The following ZNF317 variants were observed in gnomAD, a reference collection of about 807,000 sequenced individuals.
ZNF317 encodes the protein zinc finger protein 317.
ZNF317 carries 17 observed loss-of-function variants against 23.4 expected under a neutral mutation model. That is an observed-to-expected ratio of 0.73 (90% CI 0.50 to 1.09). The LOEUF is 1.09. Ranked by LOEUF, ZNF317 falls within the 50% of genes least tolerant of loss-of-function variation. The pLI, the probability that ZNF317 is intolerant of heterozygous loss-of-function variation, is 0.00. For missense variants in ZNF317, 679 were observed against 796.7 expected, an observed-to-expected ratio of 0.85 and a Z score of 1.78; for synonymous variants, 317 against 314.9, an observed-to-expected ratio of 1.01 and a Z score of -0.07.
At chr19:9,149,678 G>A (rs1600224868) in intron 1 of ZNF317, among the ~76,000 whole-genome samples, 1 of 152,198 alleles carries the variant, frequency 6.6e-6, no homozygotes, top group East Asian at 1.9e-4. Context: ...CTTGGGTGAG[G>A]GACCAGTGGC....
intron 1 of ZNF317, among the ~76,000 whole-genome samples, chr19:9,144,114 TG>T (rs1207731919): frequency 3.3e-5 from 5 of 152,064 alleles, no homozygotes; most frequent in African/African-American, 1.2e-4. Flanking sequence ...GTGATTCTCC[TG>T]TCTCAGCCTC....
intron 1 of ZNF317, among the ~76,000 whole-genome samples, chr19:9,146,458 T>C (rs143979450): frequency 6.7e-6 from 1 of 148,886 alleles, no homozygotes; most frequent in Non-Finnish European, 1.5e-5. Flanking sequence ...CAGTGTCTCA[T>C]TTCTGTCACC....
At chr19:9,146,600 T>G (rs2050685499) in intron 1 of ZNF317, among the ~76,000 whole-genome samples, 1 of 151,508 alleles carries the variant, frequency 6.6e-6, no homozygotes, top group African/African-American at 2.4e-5. Context: ...GCTAATTTTT[T>G]TGTATTTTTA....
intron 1 of ZNF317, among the ~76,000 whole-genome samples, chr19:9,151,301 A>G (rs2050733965): frequency 1.3e-5 from 2 of 152,234 alleles, no homozygotes; most frequent in African/African-American, 4.8e-5. Flanking sequence ...GTGTTGAATA[A>G]TGAATCCCCA....
In ZNF317 at chr19:9,160,695, A is replaced by G. The variant is rs2050841305; in HGVS notation, c.1050A>G (p.Lys350=). The G allele has an allele frequency of 6.2e-7, 1 of 1,614,130 alleles. No individual in the cohort carries two copies. The highest frequency in any genetic ancestry group is 8.5e-7 in the Non-Finnish European group (1 of 1,180,028). Residue 350 remains lysine (K), a synonymous_variant, in exon 7 of 7, where the codon AAA becomes AAG. Coordinates refer to ENST00000247956, the MANE Select transcript of ZNF317 (RefSeq NM_020933.5). This position sits in a 1 kb window ranked among gnomAD's most constrained non-coding sequence, Gnocchi z 6.8. ...CTTTCCAGCACCCCTCCCACCTCAAAGAGCACGTGAGGAATCACACGGGGG... is the reference window on the plus strand; with the variant it reads ...CTTTCCAGCACCCCTCCCACCTCAAGGAGCACGTGAGGAATCACACGGGGG... ...GKAFQHPSHL[K]EHVRNHTGEK... is the part of the protein sequence containing the mutation.
rs189336858 is a variant in ZNF317, at chr19:9,161,223, G to T, written c.1578G>T (p.Gly526=). Reference sequence around the variant, plus strand: ...AGACGCACATGCGAAGCCACACGGGGGAGAAACCGTACGAATGCGATCACT... The same window carrying T: ...AGACGCACATGCGAAGCCACACGGGTGAGAAACCGTACGAATGCGATCACT... ...TLKTHMRSHT[G]EKPYECDHCG... is the part of the protein sequence containing the mutation. Residue 526 remains glycine (G), a synonymous_variant, in exon 7 of 7, where the codon GGG becomes GGT. Transcript: ENST00000247956. The surrounding 1 kb of genome is among the most constrained non-coding windows in gnomAD (Gnocchi z 4.0). 1.9e-6 allele frequency: 3 copies of T among 1,614,060 alleles called. No homozygotes were observed. The highest frequency in any genetic ancestry group is 1.3e-5 in the African/African-American group (1 of 74,924).
At chr19:9,146,265 C>T (rs1304687485) in intron 1 of ZNF317, among the ~76,000 whole-genome samples, 2 of 151,726 alleles carry the variant, frequency 1.3e-5, no homozygotes, top group Non-Finnish European at 2.9e-5. Flanking sequence ...TGCTCCCCAC[C>T]CCCTGGGACA....
At chr19:9,142,374 G>C (rs1189760492) in intron 1 of ZNF317, among the ~76,000 whole-genome samples, 1 of 152,132 alleles carries the variant, frequency 6.6e-6, no homozygotes. Context: ...ATTGACTGGA[G>C]TTTGGATGGC....
At chr19:9,155,358 A>G (rs2050772757) in intron 1 of ZNF317, among the ~76,000 whole-genome samples, 1 of 152,186 alleles carries the variant, frequency 6.6e-6, no homozygotes, top group Admixed American at 6.5e-5. Flanking sequence ...TGGCAGAAGC[A>G]TAGGTGGCCG....
At chr19:9,150,509 G>C (rs142290425) in intron 1 of ZNF317, among the ~76,000 whole-genome samples, 5 of 152,258 alleles carry the variant, frequency 3.3e-5, no homozygotes, top group African/African-American at 1.2e-4. Context: ...CAGAACCTGG[G>C]TGTCAGCACC....
intron 1 of ZNF317, among the ~76,000 whole-genome samples, chr19:9,150,604 G>A (rs764552470): frequency 6.6e-6 from 1 of 152,178 alleles, no homozygotes; most frequent in Non-Finnish European, 1.5e-5. Flanking sequence ...TTAGGGGCTG[G>A]GCAGAGGAGG....
chr19:9,157,742 T>C (rs1425499005), intron 4 of ZNF317: 21 of 1,144,404 alleles, frequency 1.8e-5, no homozygotes, highest in Non-Finnish European at 2.4e-5. Flanking sequence ...TTGCCCAGAC[T>C]GATCTTGAAC....
At chr19:9,148,250 A>C (rs904598256) in intron 1 of ZNF317, among the ~76,000 whole-genome samples, 1 of 152,208 alleles carries the variant, frequency 6.6e-6, no homozygotes, top group Non-Finnish European at 1.5e-5. Context: ...ATCACCCAGC[A>C]CTGACAACCC....
rs35609929 is a variant in ZNF317 at position 9,142,544 on chromosome 19, A to ATTTTTT, written c.-93+1963_-93+1968dup. 1.9e-4 allele frequency among the ~76,000 whole-genome samples: 25 copies of ATTTTTT among 133,736 alleles called. 1 individual carries two copies. Among genetic ancestry groups the ATTTTTT allele is most frequent in the African/African-American group, 6.3e-4 (22 of 34,800 alleles). The allele number at this position is 133,736 out of a possible 152,430, so 87.7% of individuals were successfully genotyped here. A position where few individuals can be genotyped will look rare whatever the true frequency, so the allele number is the denominator to read the frequency against. ...AATTGCTGCAGGCTTTTAACAAGTG[A>ATTTTTT]TTTTTTTTTTTTTTTTGCCATTATG... On this transcript the variant is annotated intron_variant, in intron 1 of 6. Transcript: ENST00000247956.
At chr19:9,156,121 C>T (rs2050779762) in intron 2 of ZNF317, 80 bp downstream of exon 2, 10 of 1,555,038 alleles carry the variant, frequency 6.4e-6, no homozygotes, top group African/African-American at 4.1e-5. Context: ...AAGATACGTA[C>T]ACCATAGAGG....
chr19:9,161,331 C>T lies in ZNF317; in HGVS notation c.1686C>T (p.Val562=), dbSNP rs1360798468. 3.1e-6 allele frequency: 5 copies of T among 1,614,076 alleles called. No homozygotes were observed. The highest frequency in any genetic ancestry group is 2.7e-5 in the African/African-American group (2 of 74,934). The change falls in exon 7 of 7, where the codon GTC becomes GTT. Residue 562 remains valine, a synonymous_variant. Coordinates refer to ENST00000247956, the MANE Select transcript of ZNF317 (RefSeq NM_020933.5). The surrounding 1 kb of genome is among the most constrained non-coding windows in gnomAD (Gnocchi z 4.0). ...HTGEKPYECL[V]CGKAFSDHSS... ...GGGAGAAGCCCTACGAATGCCTTGT[C>T]TGCGGGAAAGCCTTCAGCGACCACT...
chr19:9,158,802 T>C (rs779223201), intron 5 of ZNF317, 24 bp from the exon 6 acceptor site: 1 of 1,490,912 alleles, frequency 6.7e-7, no homozygotes, highest in South Asian at 1.1e-5. Context: ...TTCCAACAAT[T>C]AATACTTTTC....
intron 1 of ZNF317, among the ~76,000 whole-genome samples, chr19:9,152,256 TTA>T (rs2050742323): frequency 6.6e-6 from 1 of 152,154 alleles, no homozygotes; most frequent in South Asian, 2.1e-4. Context: ...CAGTCTCTTG[TTA>T]TAGGTCTCTC....
chr19:9,161,137 G>A lies in ZNF317; in HGVS notation c.1492G>A (p.Val498Ile). ...SRRRHMSVHL[V>I]KKRVECRQCG... ...GCGGAGGCACATGAGCGTTCACCTTGTAAAGAAACGAGTTGAGTGTAGGCA... is the reference window on the plus strand; with the variant it reads ...GCGGAGGCACATGAGCGTTCACCTTATAAAGAAACGAGTTGAGTGTAGGCA... The change falls in exon 7 of 7, where the codon GTA becomes ATA. Residue 498 changes from valine (V) to isoleucine (I), a missense_variant. Coordinates refer to ENST00000247956, the MANE Select transcript of ZNF317 (RefSeq NM_020933.5). The surrounding 1 kb of genome is among the most constrained non-coding windows in gnomAD (Gnocchi z 4.0). 3.1e-6 allele frequency: 5 copies of A among 1,614,198 alleles called. No homozygotes were observed. Among genetic ancestry groups the A allele is most frequent in the Non-Finnish European group, 4.2e-6 (5 of 1,180,044 alleles).
Sources: allele counts gnomAD v4.1 joint callset (sites outside exome capture counted in the v4.1 genomes callset), GRCh38; gene constraint gnomAD v4.1.1; non-coding constraint Gnocchi (gnomAD v3.1); transcripts MANE v1.5; gene names NCBI Gene and HGNC (gene_info 2026-07-23, HGNC 2026-07-21).